The following EYS variants were observed in gnomAD, a reference collection of about 807,000 sequenced individuals.
EYS encodes the protein EGF-like photoreceptor maintenance factor, also known as protein eyes shut homolog.
Under a neutral mutation model 282.1 loss-of-function variants are expected in EYS, and 250 were observed. The observed-to-expected ratio is 0.89, with a 90% CI of 0.80 to 0.98. The LOEUF is 0.98. Among genes scored for constraint, EYS ranks in the 50% least tolerant of loss-of-function variants. EYS has a pLI of 0.00. For synonymous variants in EYS, 1,355 were observed against 1,282.9 expected (o/e 1.06, Z -1.20); for missense variants, 4,016 against 3,709.0 (o/e 1.08, Z -2.15).
At chr6:64,515,915 C>T (rs182964574) in intron 26 of EYS, among the ~76,000 whole-genome samples, 15 of 151,614 alleles carry the variant, frequency 9.9e-5, no homozygotes, top group Admixed American at 2.0e-4. Context: ...CATTTATAGC[C>T]GAACTTTAAG....
chr6:65,682,287 G>C (rs147115073), intron 1 of EYS, among the ~76,000 whole-genome samples: 2 of 151,988 alleles, frequency 1.3e-5, no homozygotes, highest in East Asian at 3.9e-4. Context: ...TCAGAGGGTT[G>C]CTAGCAAGTC....
At chr6:65,324,773 G>T (rs186525562) in intron 11 of EYS, among the ~76,000 whole-genome samples, 2,458 of 152,280 alleles carry the variant, frequency 0.016, 61 homozygotes, top group African/African-American at 0.056. Context: ...TTCTGAGGTT[G>T]TTTTTATCAT....
chr6:64,633,076 T>C (rs1767847296), intron 22 of EYS, among the ~76,000 whole-genome samples: 1 of 152,190 alleles, frequency 6.6e-6, no homozygotes, highest in Non-Finnish European at 1.5e-5. Context: ...AAGGTCATTT[T>C]AATTTAACAT....
intron 36 of EYS, among the ~76,000 whole-genome samples, chr6:63,808,879 A>G (rs1770970935): frequency 6.6e-6 from 1 of 152,206 alleles, no homozygotes; most frequent in African/African-American, 2.4e-5. Context: ...TCCGTTAAAC[A>G]TTGGGTTAAA....
At chr6:65,427,599 A>G (rs757255191) in intron 5 of EYS, among the ~76,000 whole-genome samples, 2 of 152,068 alleles carry the variant, frequency 1.3e-5, no homozygotes, top group Non-Finnish European at 2.9e-5. Context: ...TACTTCGAAG[A>G]TAGGCAGCAT....
intron 8 of EYS, among the ~76,000 whole-genome samples, chr6:65,354,576 G>A (rs1192174684): frequency 2.6e-5 from 4 of 152,100 alleles, no homozygotes; most frequent in African/African-American, 4.8e-5. Context: ...AGCACTTTGG[G>A]ATGCCAAGGC....
intron 2 of EYS, among the ~76,000 whole-genome samples, chr6:65,525,735 C>T (rs1171398639): frequency 6.6e-6 from 1 of 152,180 alleles, no homozygotes; most frequent in South Asian, 2.1e-4. Context: ...AAATGGACAA[C>T]AGTATATCTT....
chr6:64,048,907 T>C (rs75608542), intron 33 of EYS, among the ~76,000 whole-genome samples: 144 of 139,712 alleles, frequency 1.0e-3, no homozygotes, highest in African/African-American at 2.1e-3. Flanking sequence ...GCCATTCTTT[T>C]CCCCCCCTAG....
chr6:65,058,493 T>C (rs1171402330), intron 12 of EYS, among the ~76,000 whole-genome samples: 3 of 139,000 alleles, frequency 2.2e-5, no homozygotes, highest in Admixed American at 1.5e-4. Context: ...TACTATTTAC[T>C]AATAAAGCCA....
At chr6:64,219,903 CCAT>C (rs1766045160) in intron 31 of EYS, among the ~76,000 whole-genome samples, 1 of 140,806 alleles carries the variant, frequency 7.1e-6, no homozygotes, top group African/African-American at 2.5e-5. Flanking sequence ...AAGCTGGAAA[CCAT>C]CATTCTCAGC....
intron 26 of EYS, among the ~76,000 whole-genome samples, chr6:64,549,945 T>C (rs1765016816): frequency 6.6e-6 from 1 of 152,084 alleles, no homozygotes; most frequent in South Asian, 2.1e-4. Context: ...GTCCATGTAT[T>C]CTCATTGTTC....
At chr6:63,884,439 A>G (rs1174572546) in intron 35 of EYS, among the ~76,000 whole-genome samples, 2 of 152,206 alleles carry the variant, frequency 1.3e-5, no homozygotes, top group Non-Finnish European at 2.9e-5. Context: ...ATCAGGGGAC[A>G]TAAGAGAGCC....
chr6:65,195,589 G>A (rs1236726989), intron 12 of EYS, among the ~76,000 whole-genome samples: 1 of 151,886 alleles, frequency 6.6e-6, no homozygotes, highest in Non-Finnish European at 1.5e-5. Context: ...TGAGGTAGTT[G>A]AACATCAGAA....
chr6:64,707,787 C>A (rs1160115673), intron 22 of EYS, among the ~76,000 whole-genome samples: 4 of 151,086 alleles, frequency 2.6e-5, no homozygotes, highest in Admixed American at 2.6e-4. Context: ...TTACACAAAA[C>A]CTATTGAAAT....
intron 5 of EYS, among the ~76,000 whole-genome samples, chr6:65,471,052 G>A (rs1275529177): frequency 6.6e-6 from 1 of 151,748 alleles, no homozygotes; most frequent in Non-Finnish European, 1.5e-5. Context: ...CAGGAGAATC[G>A]CTTGAACCCA....
intron 31 of EYS, among the ~76,000 whole-genome samples, chr6:64,151,108 T>C (rs539344286): frequency 6.6e-6 from 1 of 151,580 alleles, no homozygotes; most frequent in African/African-American, 2.4e-5. Flanking sequence ...TATTCAAACT[T>C]TTCAATAAGA....
At chr6:64,671,693 A>G (rs1769466915) in intron 22 of EYS, among the ~76,000 whole-genome samples, 1 of 152,094 alleles carries the variant, frequency 6.6e-6, no homozygotes, top group Non-Finnish European at 1.5e-5. Flanking sequence ...TGCAAACATT[A>G]TCCTAAGGCT....
intron 22 of EYS, among the ~76,000 whole-genome samples, chr6:64,648,727 A>C (rs1387311907): frequency 1.3e-5 from 2 of 152,256 alleles, no homozygotes; most frequent in African/African-American, 4.8e-5. Flanking sequence ...TTCAGAAGGT[A>C]CAACTACTAA....
chr6:65,523,854 C>G (rs182202907), intron 2 of EYS, among the ~76,000 whole-genome samples: 2 of 152,202 alleles, frequency 1.3e-5, no homozygotes, highest in Non-Finnish European at 2.9e-5. Context: ...CTTTTCCTTA[C>G]AGCCAACGTG....
Sources: gnomAD v4.1 joint callset for allele counts (sites outside exome capture counted in the v4.1 genomes callset) on GRCh38, gnomAD v4.1.1 for gene constraint, MANE v1.5 for transcripts, NCBI Gene and HGNC (gene_info 2026-07-23, HGNC 2026-07-21) for gene names.